Variants in NRXN3 observed in about 807,000 individuals in gnomAD.
NRXN3 encodes neurexin III.
NRXN3 carries 32 observed loss-of-function variants against 137.6 expected under a neutral mutation model. The observed-to-expected ratio is 0.23, with a 90% CI of 0.18 to 0.31. The LOEUF is 0.31. NRXN3 is among the 10% of genes least tolerant of loss of function. NRXN3 has a pLI of 1.00. For missense variants in NRXN3, 1,574 were observed against 2,062.5 expected (o/e 0.76, Z 4.59); for synonymous variants, 798 against 784.5 (o/e 1.02, Z -0.29).
Position 79,474,022 on chromosome 14 carries a change from T to C in NRXN3, c.3444+6620T>C, listed in dbSNP as rs182706721. Among the ~76,000 whole-genome samples the C allele has an allele frequency of 2.6e-5, 4 of 152,288 alleles. No homozygotes were observed. In the East Asian group the frequency reaches 7.7e-4, roughly 29 times the overall value. ...CTCTATTATTCCCATGATATTTCTA[T>C]CTAAATCTGTTTACTTTGATTCCAC... On this transcript the variant is annotated intron_variant, in intron 16 of 20. Transcript: ENST00000335750.
intron 19 of NRXN3, among the ~76,000 whole-genome samples, chr14:79,785,187 A>G (rs915955595): frequency 1.3e-5 from 2 of 152,186 alleles, no homozygotes; most frequent in African/African-American, 4.8e-5. Context: ...CATTCTTTCT[A>G]GGATTAAACA....
intron 4 of NRXN3, among the ~76,000 whole-genome samples, chr14:78,522,332 A>G (rs2096295538): frequency 6.6e-6 from 1 of 152,198 alleles, no homozygotes; most frequent in South Asian, 2.1e-4. Context: ...GAGCCATTAA[A>G]TCGAGGTGTG....
chr14:79,705,343 T>A (rs2098773299), intron 19 of NRXN3, among the ~76,000 whole-genome samples: 1 of 152,126 alleles, frequency 6.6e-6, no homozygotes, highest in Admixed American at 6.6e-5. Flanking sequence ...TCTGACCATA[T>A]TTTCCACCAC....
rs537200005 is a variant in NRXN3 at position 78,665,507 on chromosome 14, C to T, written c.1221+14181C>T. On this transcript the variant is annotated intron_variant, in intron 6 of 20. Coordinates refer to ENST00000335750, the MANE Select transcript of NRXN3 (RefSeq NM_001330195.2). ...CTCCCACCGGGTTCCTCTCATGACACGTGGGGATTATGGGAACTACAATTC... is the reference window on the plus strand; with the variant it reads ...CTCCCACCGGGTTCCTCTCATGACATGTGGGGATTATGGGAACTACAATTC... Among the ~76,000 whole-genome samples the T allele has an allele frequency of 4.6e-5, 7 of 152,220 alleles. 1 individual carries two copies. The highest frequency in any genetic ancestry group is 7.4e-5 in the Non-Finnish European group (5 of 68,020).
chr14:78,284,023 T>A (rs78957238), intron 3 of NRXN3, among the ~76,000 whole-genome samples: 185 of 152,340 alleles, frequency 1.2e-3, no homozygotes, highest in African/African-American at 3.9e-3. Context: ...ACCTACCTCA[T>A]GGAGTTGTTT....
At chr14:79,792,366 C>T (rs1443428029) in intron 19 of NRXN3, among the ~76,000 whole-genome samples, 1 of 152,160 alleles carries the variant, frequency 6.6e-6, no homozygotes, top group African/African-American at 2.4e-5. Context: ...TTTCTGTTTA[C>T]TTCCAATCAC....
chr14:78,729,793 C>T (rs1046397236), intron 8 of NRXN3, among the ~76,000 whole-genome samples: 6 of 152,192 alleles, frequency 3.9e-5, no homozygotes, highest in Admixed American at 6.5e-5. Context: ...GCTCATCTCT[C>T]CTTCTCTAGA....
At chr14:79,537,153 T>C (rs1269527304) in intron 16 of NRXN3, among the ~76,000 whole-genome samples, 2 of 152,202 alleles carry the variant, frequency 1.3e-5, no homozygotes, top group Non-Finnish European at 2.9e-5. Flanking sequence ...ATCACCATTC[T>C]GACTGTCATG....
intron 10 of NRXN3, among the ~76,000 whole-genome samples, chr14:78,861,461 G>T (rs1387447557): frequency 1.3e-5 from 2 of 152,022 alleles, no homozygotes; most frequent in Admixed American, 1.3e-4. Context: ...ATAAATAAGA[G>T]TTCACACCTT....
intron 19 of NRXN3, among the ~76,000 whole-genome samples, chr14:79,752,371 T>C (rs1489191738): frequency 2.0e-5 from 3 of 152,028 alleles, no homozygotes; most frequent in East Asian, 3.9e-4. Flanking sequence ...AAAACAGAGA[T>C]ATAGATCAAT....
At chr14:78,830,423 C>T (rs2098978440) in intron 10 of NRXN3, among the ~76,000 whole-genome samples, 1 of 152,078 alleles carries the variant, frequency 6.6e-6, no homozygotes, top group Admixed American at 6.5e-5. Context: ...TGTCTAAATG[C>T]AGCATCTCTG....
intron 1 of NRXN3, chr14:78,231,306 G>GT (rs1295156648): frequency 6.6e-6 from 1 of 152,390 alleles, no homozygotes; most frequent in Non-Finnish European, 1.5e-5. Flanking sequence ...GGTCAGGGGT[G>GT]TAGTGCCTTG....
At chr14:79,406,362 T>C (rs1360999261) in intron 15 of NRXN3, among the ~76,000 whole-genome samples, 1 of 151,414 alleles carries the variant, frequency 6.6e-6, no homozygotes, top group African/African-American at 2.4e-5. Context: ...TGCAGTACAG[T>C]GATTCAATCC....
At chr14:78,532,715 CTTTG>C (rs960385949) in intron 4 of NRXN3, among the ~76,000 whole-genome samples, 1 of 151,986 alleles carries the variant, frequency 6.6e-6, no homozygotes, top group Non-Finnish European at 1.5e-5. Flanking sequence ...TAGCTCCCAT[CTTTG>C]TTTATCTTCG....
intron 10 of NRXN3, among the ~76,000 whole-genome samples, chr14:78,919,347 T>A (rs1485570927): frequency 6.6e-6 from 1 of 152,214 alleles, no homozygotes; most frequent in Non-Finnish European, 1.5e-5. Flanking sequence ...AAGCATCTTA[T>A]ATTGATCGTG....
intron 4 of NRXN3, among the ~76,000 whole-genome samples, chr14:78,529,260 G>T (rs937232813): frequency 6.6e-6 from 1 of 152,060 alleles, no homozygotes. Context: ...ATTTAGATTC[G>T]GTTCAAAGAA....
At chr14:79,130,068 G>C (rs779834587) in intron 15 of NRXN3, among the ~76,000 whole-genome samples, 187 of 151,862 alleles carry the variant, frequency 1.2e-3, no homozygotes, top group Non-Finnish European at 1.8e-3. Context: ...GAGCCTATGT[G>C]TGTCTCTGCA....
chr14:79,232,337 T>C (rs2072391944), intron 15 of NRXN3, among the ~76,000 whole-genome samples: 1 of 152,130 alleles, frequency 6.6e-6, no homozygotes, highest in African/African-American at 2.4e-5. Flanking sequence ...TTAAAACACA[T>C]TTTAAGGTCA....
intron 15 of NRXN3, among the ~76,000 whole-genome samples, chr14:79,291,969 T>C (rs1243766008): frequency 6.6e-6 from 1 of 152,118 alleles, no homozygotes; most frequent in Non-Finnish European, 1.5e-5. Context: ...ATTTAATCTT[T>C]ACTGACCATC....
Sources: gnomAD v4.1 joint callset for allele counts (sites outside exome capture counted in the v4.1 genomes callset) on GRCh38, gnomAD v4.1.1 for gene constraint, MANE v1.5 for transcripts, NCBI Gene and HGNC (gene_info 2026-07-23, HGNC 2026-07-21) for gene names.